Variants in PTPRD observed in about 807,000 individuals in gnomAD.
PTPRD encodes the protein protein tyrosine phosphatase receptor type D.
In PTPRD, 34 loss-of-function variants were observed where a neutral mutation model predicts 214.5. The observed-to-expected ratio is 0.16, with a 90% CI of 0.12 to 0.21. The LOEUF is 0.21. PTPRD is among the 10% of genes least tolerant of loss of function. The probability of loss-of-function intolerance (pLI) is 1.00; values close to 1 mark genes in which losing one functional copy is unlikely to be tolerated. For missense variants in PTPRD, 2,545 were observed against 2,398.7 expected, an observed-to-expected ratio of 1.06 and a Z score of -1.27; for synonymous variants, 1,128 against 845.7, an observed-to-expected ratio of 1.33 and a Z score of -5.79.
At chr9:8,565,948 C>T (rs1158289491) in intron 14 of PTPRD, among the ~76,000 whole-genome samples, 1 of 152,140 alleles carries the variant, frequency 6.6e-6, no homozygotes, top group African/African-American at 2.4e-5. Context: ...TATGAGATTT[C>T]AGGTACCTCA....
intron 4 of PTPRD, among the ~76,000 whole-genome samples, chr9:9,953,921 G>T (rs1187179820): frequency 1.3e-5 from 2 of 152,032 alleles, no homozygotes; most frequent in Non-Finnish European, 2.9e-5. Flanking sequence ...TGTAAAGGGA[G>T]GATTTCTTTG....
intron 5 of PTPRD, among the ~76,000 whole-genome samples, chr9:9,841,581 AC>A (rs1403572702): frequency 6.6e-6 from 1 of 152,154 alleles, no homozygotes; most frequent in African/African-American, 2.4e-5. Flanking sequence ...TAGCGATAGA[AC>A]GGCCCTTAGA....
intron 2 of PTPRD, among the ~76,000 whole-genome samples, chr9:10,535,679 T>C (rs183008337): frequency 3.2e-4 from 40 of 125,398 alleles, no homozygotes; most frequent in African/African-American, 1.0e-3. Flanking sequence ...TAAGTGAATA[T>C]AATATATTTG....
At chr9:8,688,771 G>A (rs1046917956) in intron 12 of PTPRD, among the ~76,000 whole-genome samples, 5 of 152,008 alleles carry the variant, frequency 3.3e-5, no homozygotes, top group Admixed American at 2.6e-4. Context: ...GTCAAATGAG[G>A]TTATAGGAGA....
intron 5 of PTPRD, among the ~76,000 whole-genome samples, chr9:9,873,317 C>T (rs539080241): frequency 3.3e-5 from 5 of 152,120 alleles, no homozygotes; most frequent in Non-Finnish European, 5.9e-5. Flanking sequence ...GGCTAACCTG[C>T]ACCTCTCCTT....
rs71308864 is a variant in PTPRD at position 8,463,308 on chromosome 9, CAAAAAAAAAAAA to C, written c.3714+2146_3714+2157del. Among the ~76,000 whole-genome samples, 195 of 28,864 alleles carry C rather than the reference CAAAAAAAAAAAA, an allele frequency of 6.8e-3. 1 individual carries two copies. Among genetic ancestry groups the C allele is most frequent in the Non-Finnish European group, 1.0e-2 (125 of 12,542 alleles). 18.9% of individuals were successfully genotyped at this position (28,864 alleles called of 152,430 possible). On this transcript the variant is annotated intron_variant, in intron 32 of 45. Coordinates refer to ENST00000381196, the MANE Select transcript of PTPRD (RefSeq NM_002839.4). Reference sequence around the variant, plus strand: ...TATGTCCAAGCTTCTCAGAGGCAGCCAAAAAAAAAAAAAAAAAAAAAAAAAAGATGTGTATGG... The same window carrying C: ...TATGTCCAAGCTTCTCAGAGGCAGCCAAAAAAAAAAAAAAGATGTGTATGG...
intron 2 of PTPRD, among the ~76,000 whole-genome samples, chr9:10,435,138 C>A (rs755524540): frequency 2.6e-5 from 4 of 151,798 alleles, no homozygotes; most frequent in Admixed American, 6.6e-5. Context: ...CTCGAGGAAG[C>A]CAATGCAAGT....
chr9:10,432,204 C>T lies in PTPRD; in HGVS notation c.-599-91187G>A, dbSNP rs887355637. Among the ~76,000 whole-genome samples, 7 of 145,616 alleles carry T rather than the reference C, an allele frequency of 4.8e-5. No individual in the cohort carries two copies. In the Admixed American group the frequency reaches 5.1e-4, roughly 11 times the overall value. Reference sequence around the variant, plus strand: ...CGCAAGAACAAAAAACCAAACACCGCATATTCTCACTCATAGGCGGGAATT... The same window carrying T: ...CGCAAGAACAAAAAACCAAACACCGTATATTCTCACTCATAGGCGGGAATT... On this transcript the variant is annotated intron_variant, in intron 2 of 45. Transcript: ENST00000381196.
chr9:8,990,867 G>T (rs2099363619), intron 11 of PTPRD, among the ~76,000 whole-genome samples: 1 of 151,914 alleles, frequency 6.6e-6, no homozygotes, highest in Non-Finnish European at 1.5e-5. Context: ...ATACTCTTTT[G>T]GTCCAAGCAC....
At chr9:8,440,664 G>C (rs1464629764) in intron 34 of PTPRD, among the ~76,000 whole-genome samples, 1 of 152,138 alleles carries the variant, frequency 6.6e-6, no homozygotes, top group Non-Finnish European at 1.5e-5. Context: ...TTTTTATTTT[G>C]AAGCTATGAT....
intron 7 of PTPRD, among the ~76,000 whole-genome samples, chr9:9,630,795 G>C (rs1311796915): frequency 1.3e-5 from 2 of 152,002 alleles, no homozygotes; most frequent in African/African-American, 4.8e-5. Context: ...CCACAAATAA[G>C]ATTGTAAACT....
intron 2 of PTPRD, among the ~76,000 whole-genome samples, chr9:10,344,813 T>C (rs1458424764): frequency 6.6e-6 from 1 of 152,172 alleles, no homozygotes; most frequent in Non-Finnish European, 1.5e-5. Flanking sequence ...TCACGCATGA[T>C]TTGGTTCTCT....
chr9:10,185,099 C>T (rs903690503), intron 3 of PTPRD, among the ~76,000 whole-genome samples: 16 of 151,986 alleles, frequency 1.1e-4, no homozygotes, highest in African/African-American at 3.9e-4. Flanking sequence ...AAAAATCTAC[C>T]AGCTCTTTTG....
intron 5 of PTPRD, among the ~76,000 whole-genome samples, chr9:9,860,546 C>T (rs954950632): frequency 6.6e-6 from 1 of 152,162 alleles, no homozygotes; most frequent in Non-Finnish European, 1.5e-5. Context: ...CCCATTCGTT[C>T]TCTGCTGGTA....
At chr9:10,371,217 T>C (rs914440212) in intron 2 of PTPRD, among the ~76,000 whole-genome samples, 1 of 151,326 alleles carries the variant, frequency 6.6e-6, no homozygotes, top group Non-Finnish European at 1.5e-5. Context: ...ATGAATGATA[T>C]ATATTTAAAT....
At chr9:8,900,667 T>G (rs1369145443) in intron 11 of PTPRD, among the ~76,000 whole-genome samples, 1 of 152,192 alleles carries the variant, frequency 6.6e-6, no homozygotes, top group Admixed American at 6.6e-5. Context: ...TATAGCAGTA[T>G]GAGTGACATA....
intron 3 of PTPRD, among the ~76,000 whole-genome samples, chr9:10,097,219 G>C (rs180708992): frequency 6.7e-6 from 1 of 149,090 alleles, no homozygotes; most frequent in Admixed American, 6.7e-5. Context: ...TTGGTAATGC[G>C]GGCTCTTTTT....
chr9:9,912,814 T>C (rs1488511944), intron 5 of PTPRD, among the ~76,000 whole-genome samples: 2 of 152,214 alleles, frequency 1.3e-5, no homozygotes, highest in African/African-American at 2.4e-5. Flanking sequence ...TGTGATTCAA[T>C]AGCACTGAGA....
chr9:8,783,109 T>C (rs1428809690), intron 11 of PTPRD, among the ~76,000 whole-genome samples: 1 of 152,134 alleles, frequency 6.6e-6, no homozygotes, highest in Non-Finnish European at 1.5e-5. Flanking sequence ...CATATCAACA[T>C]GACCAGAATA....
Sources: allele counts gnomAD v4.1 joint callset (sites outside exome capture counted in the v4.1 genomes callset), GRCh38; gene constraint gnomAD v4.1.1; transcripts MANE v1.5; gene names NCBI Gene and HGNC (gene_info 2026-07-23, HGNC 2026-07-21).